The following UBE2D2 variants were observed in gnomAD, a reference collection of about 807,000 sequenced individuals.
UBE2D2 encodes ubiquitin conjugating enzyme E2 D2, also known as ubiquitin-conjugating enzyme E2 D2.
Under a neutral mutation model 24.2 loss-of-function variants are expected in UBE2D2, and 2 were observed. That is an observed-to-expected ratio of 0.08 (90% confidence interval 0.03 to 0.26). The LOEUF is 0.26. Among genes scored for constraint, UBE2D2 ranks in the 10% least tolerant of loss-of-function variants. The pLI is 1.00. For synonymous variants in UBE2D2, 58 were observed against 56.5 expected, an observed-to-expected ratio of 1.03 and a Z score of -0.12; for missense variants, 44 against 177.6, an observed-to-expected ratio of 0.25 and a Z score of 4.28.
At position 139,626,791 on chromosome 5, in the gene UBE2D2, A is replaced by T; in HGVS notation, c.434A>T (p.Tyr145Phe). Residue 145 changes from tyrosine (Y) to phenylalanine (F), a missense_variant, in exon 7 of 7, where the codon TAT becomes TTT. Physicochemically the swap from Tyr to Phe is conservative, Grantham distance 22. This residue lies in a region of UBE2D2 where 21 missense variants were observed against 35.7 expected (regional missense o/e 0.59). Coordinates refer to ENST00000398733, the MANE Select transcript of UBE2D2 (RefSeq NM_003339.3). ...NRIAREWTQK[Y>F]AM Reference sequence around the variant, plus strand: ...ATAGCTCGGGAATGGACTCAGAAGTATGCGATGTAATTAAAGAAATTATTG... The same window carrying T: ...ATAGCTCGGGAATGGACTCAGAAGTTTGCGATGTAATTAAAGAAATTATTG... 1.2e-6 allele frequency: 2 copies of T among 1,613,360 alleles called. No individual in the cohort carries two copies. Among genetic ancestry groups the T allele is most frequent in the Non-Finnish European group, 8.5e-7 (1 of 1,179,656 alleles).
At chr5:139,574,280 CAAAAA>C (rs756512602) in intron 1 of UBE2D2, among the ~76,000 whole-genome samples, 1 of 59,320 alleles carries the variant, frequency 1.7e-5, no homozygotes, top group African/African-American at 5.4e-5. Context: ...AACTCTGTCT[CAAAAA>C]AAAAAAAAAA....
upstream of UBE2D2, among the ~76,000 whole-genome samples, chr5:139,557,001 A>AT (rs1373558093): frequency 6.8e-6 from 1 of 146,318 alleles, no homozygotes; most frequent in Non-Finnish European, 1.5e-5. Context: ...TGCCCAGCTA[A>AT]TTTTTGTATT....
chr5:139,527,923 T>C (rs983400006), intron 1 of UBE2D2, among the ~76,000 whole-genome samples: 1 of 152,264 alleles, frequency 6.6e-6, no homozygotes, highest in Non-Finnish European at 1.5e-5. Context: ...GAGGCCCTGA[T>C]TGTCCCCCTT....
intron 1 of UBE2D2, among the ~76,000 whole-genome samples, chr5:139,549,857 A>G (rs976260567): frequency 1.1e-4 from 17 of 152,244 alleles, no homozygotes; most frequent in African/African-American, 3.6e-4. Context: ...AGGAGTGTAC[A>G]TGCGCCAATC....
intron 1 of UBE2D2, among the ~76,000 whole-genome samples, chr5:139,577,480 C>G (rs887526765): frequency 7.6e-6 from 1 of 131,180 alleles, no homozygotes; most frequent in African/African-American, 2.9e-5. Flanking sequence ...ATGGGGTGAT[C>G]TCGGCTCACT....
chr5:139,560,366 T>A (rs2126644477), upstream of UBE2D2, among the ~76,000 whole-genome samples: 1 of 152,118 alleles, frequency 6.6e-6, no homozygotes, highest in Non-Finnish European at 1.5e-5. Flanking sequence ...CCCGGGTAAT[T>A]TTTGTATATT....
At chr5:139,596,785 T>C (rs1581518770) in intron 1 of UBE2D2, among the ~76,000 whole-genome samples, 2 of 151,260 alleles carry the variant, frequency 1.3e-5, no homozygotes, top group Non-Finnish European at 2.9e-5. Flanking sequence ...GGTGGCTCAC[T>C]CCTGTAATCC....
At chr5:139,614,664 T>A (rs771054290) in intron 3 of UBE2D2, 33 bp from the exon 4 acceptor site, 7 of 1,613,858 alleles carry the variant, frequency 4.3e-6, no homozygotes, top group Non-Finnish European at 5.1e-6. Flanking sequence ...TGTAATTTAC[T>A]CATTTTAATC....
rs577075649 is a variant in UBE2D2, at chr5:139,555,544, G to T, written c.-64+28932G>T. Among the ~76,000 whole-genome samples the T allele has an allele frequency of 8.5e-5, 13 of 152,248 alleles. No homozygotes were observed. The South Asian group carries it at 2.7e-3, about 32-fold the overall frequency. ...ACCCAACATATCAAACTTGTAGCGT[G>T]TGGCAAAGCAGTGTGCTTTTACTGG... On this transcript the variant is annotated intron_variant, in intron 1 of 6. Transcript: ENST00000511725.
At chr5:139,605,990 G>C (rs937712830) in intron 2 of UBE2D2, among the ~76,000 whole-genome samples, 6 of 151,988 alleles carry the variant, frequency 3.9e-5, no homozygotes, top group African/African-American at 1.4e-4. Flanking sequence ...TGATCCTCCT[G>C]CCTCTGCCTC....
intron 1 of UBE2D2, among the ~76,000 whole-genome samples, chr5:139,566,510 C>A (rs889469966): frequency 2.0e-5 from 3 of 151,806 alleles, no homozygotes; most frequent in African/African-American, 7.3e-5. Context: ...ATGGTCTTTA[C>A]AAAAAATACA....
At position 139,561,749 on chromosome 5, in the gene UBE2D2, C is replaced by T. The variant is rs772440324; in HGVS notation, c.-43C>T. The T allele has an allele frequency of 1.3e-5, 18 of 1,423,112 alleles. No homozygotes were observed. Among genetic ancestry groups the T allele is most frequent in the South Asian group, 5.3e-5 (4 of 74,772 alleles). The allele number at this position is 1,423,112 out of a possible 1,614,324, so 88.2% of individuals were successfully genotyped here. On this transcript the variant is annotated 5_prime_UTR_variant, in exon 1 of 7. Coordinates refer to ENST00000398733, the MANE Select transcript of UBE2D2 (RefSeq NM_003339.3). ...TAGCCCCTTCCCCGTCCCTTCCCCG[C>T]CCCCGTCCCCGCCCCGGGGGCCGCC... is the stretch of plus-strand genomic sequence containing the variant.
chr5:139,567,356 C>T (rs560431138), intron 1 of UBE2D2, among the ~76,000 whole-genome samples: 20 of 151,788 alleles, frequency 1.3e-4, no homozygotes, highest in African/African-American at 4.4e-4. Flanking sequence ...CTTCGGCCTC[C>T]CAAAGTGCTG....
At chr5:139,560,811 T>A (rs1327781890), upstream of UBE2D2, among the ~76,000 whole-genome samples, 5 of 152,120 alleles carry the variant, frequency 3.3e-5, 1 homozygote, top group African/African-American at 1.2e-4. Flanking sequence ...GGGGCCTTGG[T>A]CCGGAAGGCC....
chr5:139,561,169 TCGCAGC>T (rs1753069322), upstream of UBE2D2: 1 of 152,644 alleles, frequency 6.6e-6, no homozygotes, highest in African/African-American at 2.4e-5. Flanking sequence ...GCCCAGGGCT[TCGCAGC>T]GTCACGCCCT....
chr5:139,575,918 T>C (rs1162883283), intron 1 of UBE2D2, among the ~76,000 whole-genome samples: 1 of 152,110 alleles, frequency 6.6e-6, no homozygotes, highest in Non-Finnish European at 1.5e-5. Flanking sequence ...CTGGGAAGAC[T>C]GAGGTGGAAG....
intron 1 of UBE2D2, 94 bp downstream of exon 1, chr5:139,561,909 T>C: frequency 7.1e-7 from 1 of 1,413,780 alleles, no homozygotes; most frequent in Non-Finnish European, 9.2e-7. Flanking sequence ...GCGGCCTCCT[T>C]GGATCTTGCT....
In UBE2D2 at chr5:139,546,814, CTTT is replaced by C. The variant is rs1752834647; in HGVS notation, c.-64+20203_-64+20205del. Among the ~76,000 whole-genome samples, 3 of 111,040 alleles carry C rather than the reference CTTT, an allele frequency of 2.7e-5. No homozygotes were observed. In the East Asian group the frequency reaches 8.6e-4, roughly 32 times the overall value. The allele number at this position is 111,040 out of a possible 152,430, so 72.8% of individuals were successfully genotyped here. On this transcript the variant is annotated intron_variant, in intron 1 of 6. Transcript: ENST00000511725. ...AATTTTCTTTCTTTCTTTCTTCTTT[CTTT>C]CTTCCTTCCTTCCTTCCTTCCTTCC...
chr5:139,623,685 C>CTTT, intron 6 of UBE2D2: 1 of 366,554 alleles, frequency 2.7e-6, no homozygotes, highest in Non-Finnish European at 4.9e-6. Context: ...TCTACAAAAA[C>CTTT]TTTTTTTTTT....
Sources: gnomAD v4.1 joint callset for allele counts (sites outside exome capture counted in the v4.1 genomes callset) on GRCh38, gnomAD v4.1.1 for gene constraint, gnomAD v4.1.1 regional missense constraint, MANE v1.5 for transcripts, NCBI Gene and HGNC (gene_info 2026-07-23, HGNC 2026-07-21) for gene names.